The following PTPRG variants were observed in gnomAD, a reference collection of about 807,000 sequenced individuals.
PTPRG encodes the protein receptor-type tyrosine-protein phosphatase gamma.
A neutral mutation model predicts 165.3 loss-of-function variants in PTPRG; 102 were observed. The observed-to-expected ratio is 0.62, with a 90% CI of 0.53 to 0.73. The LOEUF (loss-of-function observed/expected upper bound fraction) is 0.73, where lower values mean the gene tolerates loss of function less well. Among genes scored for constraint, PTPRG ranks in the 30% least tolerant of loss-of-function variants. The pLI is 0.00. For synonymous variants in PTPRG, 675 were observed against 669.5 expected, an observed-to-expected ratio of 1.01 and a Z score of -0.13; for missense variants, 1,866 against 1,861.4, an observed-to-expected ratio of 1.00 and a Z score of -0.05.
rs138070597 is a variant in PTPRG at position 62,112,350 on chromosome 3, C to T, written c.616-20252C>T. Among the ~76,000 whole-genome samples, 279 of 152,136 alleles carry T rather than the reference C, an allele frequency of 1.8e-3. 1 individual carries two copies. Among genetic ancestry groups the T allele is most frequent in the African/African-American group, 6.3e-3 (262 of 41,524 alleles). On this transcript the variant is annotated intron_variant, in intron 5 of 29. Coordinates refer to ENST00000474889, the MANE Select transcript of PTPRG (RefSeq NM_002841.4). ...AACTCCTGACCTCAAGCAATCCACC[C>T]ACCTCAGCCTCCCAAAGTGCTGGGA...
intron 1 of PTPRG, among the ~76,000 whole-genome samples, chr3:61,657,765 A>T (rs1175054195): frequency 6.6e-6 from 1 of 152,214 alleles, no homozygotes; most frequent in Non-Finnish European, 1.5e-5. Context: ...ACAACTGAGC[A>T]TTTAGAGTTC....
Position 62,267,747 on chromosome 3 carries a change from T to C in PTPRG, c.2802T>C (p.Asp934=), listed in dbSNP as rs138952511. ...TQGPLKSTFE[D]FWRMIWEQNT... is the part of the protein sequence containing the mutation. ...GACCTTTGAAGTCTACATTTGAAGA[T>C]TTCTGGAGGATGATTTGGGAACAAA... The change falls in exon 19 of 30, where the codon GAT becomes GAC. Residue 934 remains aspartate, a synonymous_variant. Coordinates refer to ENST00000474889, the MANE Select transcript of PTPRG (RefSeq NM_002841.4). The C allele has an allele frequency of 6.2e-7, 1 of 1,613,522 alleles. No individual in the cohort carries two copies. The highest frequency in any genetic ancestry group is 8.5e-7 in the Non-Finnish European group (1 of 1,179,538).
At chr3:61,740,808 T>C (rs1263188389) in intron 1 of PTPRG, among the ~76,000 whole-genome samples, 1 of 152,220 alleles carries the variant, frequency 6.6e-6, no homozygotes, top group Admixed American at 6.5e-5. Flanking sequence ...AAAAAAACTT[T>C]TTATAGTTGA....
intron 4 of PTPRG, among the ~76,000 whole-genome samples, chr3:62,019,765 ATTT>A (rs1559750223): frequency 6.6e-6 from 1 of 152,156 alleles, no homozygotes; most frequent in East Asian, 1.9e-4. Flanking sequence ...AATGTGTACA[ATTT>A]TTATTTGCCA....
At chr3:61,940,423 C>G (rs1183455757) in intron 2 of PTPRG, among the ~76,000 whole-genome samples, 1 of 152,166 alleles carries the variant, frequency 6.6e-6, no homozygotes, top group East Asian at 1.9e-4. Context: ...TGCTGGACTT[C>G]AGAACAATTA....
At chr3:62,256,212 T>G (rs1701531854) in intron 16 of PTPRG, among the ~76,000 whole-genome samples, 1 of 152,156 alleles carries the variant, frequency 6.6e-6, no homozygotes, top group African/African-American at 2.4e-5. Flanking sequence ...GGTAAGCACT[T>G]TAAGATCATC....
At chr3:62,006,787 A>G (rs2041307824) in intron 4 of PTPRG, among the ~76,000 whole-genome samples, 1 of 152,170 alleles carries the variant, frequency 6.6e-6, no homozygotes, top group African/African-American at 2.4e-5. Context: ...GGTAGAGGCC[A>G]GGGATACTGC....
intron 2 of PTPRG, among the ~76,000 whole-genome samples, chr3:61,883,169 G>A (rs1184843888): frequency 6.6e-6 from 1 of 152,164 alleles, no homozygotes; most frequent in Non-Finnish European, 1.5e-5. Context: ...AATTATCATT[G>A]TAAAGGTTTA....
intron 1 of PTPRG, among the ~76,000 whole-genome samples, chr3:61,714,236 T>G (rs2106761997): frequency 6.6e-6 from 1 of 152,236 alleles, no homozygotes; most frequent in Admixed American, 6.5e-5. Context: ...GGTTGCTGAT[T>G]GTCTTCTATT....
intron 8 of PTPRG, among the ~76,000 whole-genome samples, chr3:62,169,093 G>A (rs568376168): frequency 6.6e-6 from 1 of 152,238 alleles, no homozygotes; most frequent in East Asian, 1.9e-4. Flanking sequence ...CTGGAGCCTG[G>A]GGTCTGGGGT....
intron 5 of PTPRG, among the ~76,000 whole-genome samples, chr3:62,130,998 T>C (rs1204101828): frequency 1.3e-5 from 2 of 152,140 alleles, no homozygotes; most frequent in African/African-American, 4.8e-5. Flanking sequence ...ATTTTATTAG[T>C]CTATAAACAT....
intron 17 of PTPRG, chr3:62,263,731 G>A: frequency 6.6e-6 from 1 of 152,234 alleles, no homozygotes; most frequent in East Asian, 1.9e-4. Flanking sequence ...ACCCATTTAA[G>A]GCCAGGCACA....
At chr3:62,069,116 A>C (rs1701117195) in intron 4 of PTPRG, among the ~76,000 whole-genome samples, 2 of 152,240 alleles carry the variant, frequency 1.3e-5, no homozygotes, top group African/African-American at 4.8e-5. Context: ...CCTTACTTTA[A>C]GTATCCCTTC....
intron 5 of PTPRG, among the ~76,000 whole-genome samples, chr3:62,132,111 A>G (rs895453617): frequency 2.0e-5 from 3 of 152,190 alleles, no homozygotes; most frequent in Non-Finnish European, 4.4e-5. Context: ...TCTGCTTTCC[A>G]TAACTTTTAG....
At chr3:61,821,390 C>T (rs1213671793) in intron 2 of PTPRG, among the ~76,000 whole-genome samples, 2 of 152,138 alleles carry the variant, frequency 1.3e-5, no homozygotes, top group African/African-American at 4.8e-5. Flanking sequence ...AGGATGGTCT[C>T]TATCTCCTGA....
At chr3:61,743,663 C>T (rs1027599550) in intron 1 of PTPRG, among the ~76,000 whole-genome samples, 1 of 152,148 alleles carries the variant, frequency 6.6e-6, no homozygotes, top group African/African-American at 2.4e-5. Context: ...AAAAGTCCTC[C>T]TAAGCTTTTC....
intron 1 of PTPRG, among the ~76,000 whole-genome samples, chr3:61,588,793 T>C (rs1487490229): frequency 2.0e-5 from 3 of 152,200 alleles, no homozygotes; most frequent in Admixed American, 2.0e-4. Context: ...GAAAAAAATA[T>C]ATACACACAC....
intron 7 of PTPRG, among the ~76,000 whole-genome samples, chr3:62,167,689 C>G (rs973612959): frequency 6.6e-6 from 1 of 152,172 alleles, no homozygotes; most frequent in African/African-American, 2.4e-5. Context: ...GACTGGGACT[C>G]TCTCATGGGA....
At chr3:62,230,677 G>C (rs1397963357) in intron 13 of PTPRG, among the ~76,000 whole-genome samples, 1 of 152,174 alleles carries the variant, frequency 6.6e-6, no homozygotes, top group African/African-American at 2.4e-5. Context: ...TCTCCCTGAG[G>C]TGCCTCTCCT....
Sources: gnomAD v4.1 joint callset for allele counts (sites outside exome capture counted in the v4.1 genomes callset) on GRCh38, gnomAD v4.1.1 for gene constraint, MANE v1.5 for transcripts, NCBI Gene and HGNC (gene_info 2026-07-23, HGNC 2026-07-21) for gene names.